The following LARGE1 variants were observed in gnomAD, a reference collection of about 807,000 sequenced individuals.
LARGE1 encodes LARGE xylosyl- and glucuronyltransferase 1.
Under a neutral mutation model 87.6 loss-of-function variants are expected in LARGE1, and 43 were observed. The ratio of observed to expected loss-of-function variants is 0.49; its 90% confidence interval spans 0.38 to 0.63. The LOEUF is 0.63. Ranked by LOEUF, LARGE1 falls within the 30% of genes least tolerant of loss-of-function variation. The pLI is 0.00. For missense variants in LARGE1, 802 were observed against 1,000.2 expected (o/e 0.80, Z 2.67); for synonymous variants, 434 against 394.6 (o/e 1.10, Z -1.18).
chr22:33,671,947 A>G (rs543448710), intron 2 of LARGE1, among the ~76,000 whole-genome samples: 5 of 152,358 alleles, frequency 3.3e-5, no homozygotes, highest in Admixed American at 2.0e-4. Context: ...AACATTTTAC[A>G]TGAAGATGTT....
intron 3 of LARGE1, among the ~76,000 whole-genome samples, chr22:33,643,077 A>G (rs1035473624): frequency 3.9e-5 from 6 of 152,164 alleles, no homozygotes; most frequent in African/African-American, 1.4e-4. Flanking sequence ...TCCCCACCCC[A>G]AATCAACAGA....
At chr22:33,317,687 G>A (rs894655807) in intron 10 of LARGE1, among the ~76,000 whole-genome samples, 2 of 152,104 alleles carry the variant, frequency 1.3e-5, no homozygotes, top group Admixed American at 6.5e-5. Context: ...CAACAGACAC[G>A]GTCTCATGTG....
At chr22:33,232,744 C>T (rs1189475868) in intron 11 of LARGE1, among the ~76,000 whole-genome samples, 2 of 152,126 alleles carry the variant, frequency 1.3e-5, no homozygotes, top group African/African-American at 4.8e-5. Flanking sequence ...ATGGAAGCTG[C>T]AGATAAATGA....
At chr22:33,278,502 A>G (rs959265643) in intron 13 of LARGE1, among the ~76,000 whole-genome samples, 1 of 152,098 alleles carries the variant, frequency 6.6e-6, no homozygotes, top group African/African-American at 2.4e-5. Context: ...GAAGCAGCTA[A>G]TATTAGTTAA....
intron 11 of LARGE1, among the ~76,000 whole-genome samples, chr22:33,176,052 G>A (rs987526676): frequency 7.9e-5 from 12 of 152,178 alleles, no homozygotes; most frequent in Non-Finnish European, 1.5e-4. Flanking sequence ...AAGCAATGGG[G>A]AAAGGATTCC....
intron 1 of LARGE1, among the ~76,000 whole-genome samples, chr22:33,857,882 C>T (rs1374979525): frequency 6.6e-6 from 1 of 152,150 alleles, no homozygotes; most frequent in Non-Finnish European, 1.5e-5. Context: ...CCCAGCAATC[C>T]CATTGTTACC....
At chr22:33,722,531 T>G (rs2083139652) in intron 2 of LARGE1, among the ~76,000 whole-genome samples, 1 of 152,180 alleles carries the variant, frequency 6.6e-6, no homozygotes, top group Non-Finnish European at 1.5e-5. Context: ...GAAAACGTGT[T>G]GAGCACCTAT....
At position 33,687,921 on chromosome 22, in the gene LARGE1, C is replaced by T. The variant is rs189684295; in HGVS notation, c.107-37253G>A. ...TGGTAAACATAATACAATGTCATACCTACAGAGAACTTCCATATGCTTATT... is the reference window on the plus strand; with the variant it reads ...TGGTAAACATAATACAATGTCATACTTACAGAGAACTTCCATATGCTTATT... On this transcript the variant is annotated intron_variant, in intron 2 of 14. Transcript: ENST00000397394. 4.6e-5 allele frequency among the ~76,000 whole-genome samples: 7 copies of T among 152,252 alleles called. No individual in the cohort carries two copies. The East Asian group carries it at 1.4e-3, about 29-fold the overall frequency.
chr22:33,280,433 T>C (rs536303102), intron 13 of LARGE1, among the ~76,000 whole-genome samples: 8 of 152,148 alleles, frequency 5.3e-5, no homozygotes, highest in Non-Finnish European at 8.8e-5. Flanking sequence ...TTGACAGCCA[T>C]GTTATTGGTC....
intron 12 of LARGE1, among the ~76,000 whole-genome samples, chr22:33,296,735 A>T (rs548918305): frequency 6.6e-6 from 1 of 151,910 alleles, no homozygotes; most frequent in East Asian, 1.9e-4. Flanking sequence ...CGTCCAACTA[A>T]TTTTTGTATT....
rs141836116 is a variant in LARGE1, at chr22:33,651,945, G to A, written c.107-1277C>T. On this transcript the variant is annotated intron_variant, in intron 2 of 14. Transcript: ENST00000397394. ...TCCCAGCATTTTGGGAGGCCAAGGC[G>A]GGCAAATCACGAGGTCAGGAGATCG... Among the ~76,000 whole-genome samples, 1,476 of 152,232 alleles carry A rather than the reference G, an allele frequency of 9.7e-3. 22 individuals carry two copies. Among genetic ancestry groups the A allele is most frequent in the African/African-American group, 0.034 (1,393 of 41,536 alleles).
At chr22:33,711,656 T>C (rs945346938) in intron 2 of LARGE1, among the ~76,000 whole-genome samples, 1 of 152,070 alleles carries the variant, frequency 6.6e-6, no homozygotes, top group Non-Finnish European at 1.5e-5. Context: ...TTTGTTTGTG[T>C]TTGTTTTAGA....
intron 2 of LARGE1, among the ~76,000 whole-genome samples, chr22:33,700,353 T>A (rs1440269741): frequency 6.6e-6 from 1 of 152,204 alleles, no homozygotes; most frequent in Non-Finnish European, 1.5e-5. Flanking sequence ...ACCACTCAAG[T>A]GTCACCATTC....
intron 6 of LARGE1, among the ~76,000 whole-genome samples, chr22:33,498,755 A>G (rs2148347488): frequency 6.6e-6 from 1 of 152,250 alleles, no homozygotes; most frequent in African/African-American, 2.4e-5. Context: ...GCGGATCACG[A>G]GGTCAGGAGA....
In LARGE1 at chr22:33,915,042, C is replaced by CAGAGAGAG. The variant is rs57289711; in HGVS notation, c.-83+4945_-83+4952dup. Among the ~76,000 whole-genome samples the CAGAGAGAG allele has an allele frequency of 3.2e-3, 442 of 137,110 alleles. 2 individuals are homozygous for CAGAGAGAG. The highest frequency in any genetic ancestry group is 0.011 in the African/African-American group (395 of 36,080). The allele number at this position is 137,110 out of a possible 152,430, so 89.9% of individuals were successfully genotyped here. On this transcript the variant is annotated intron_variant, in intron 1 of 14. Transcript: ENST00000397394. ...ACACACACACACACACACACACACA[C>CAGAGAGAG]AGAGAGAGAGAGAGAGAGAGAGGCT... is the stretch of plus-strand genomic sequence containing the variant.
Position 33,304,247 on chromosome 22 carries a change from C to T in LARGE1, c.1712G>A (p.Gly571Glu). The change falls in exon 12 of 15, where the codon GGG becomes GAG. Residue 571 changes from glycine (G) to glutamate (E), a missense_variant. Physicochemically the swap from Gly to Glu is moderately conservative, Grantham distance 98. Transcript: ENST00000397394. ...LSDIDFLPMY[G>E]LYEYLRKSVI... ...TCCTTACCTGAGGTACTCATAGAGC[C>T]CATACATGGGCAGGAAGTCAATGTC... 1 of 1,614,218 alleles carries T rather than the reference C, an allele frequency of 6.2e-7. No homozygotes were observed. Among genetic ancestry groups the T allele is most frequent in the Middle Eastern group, 1.6e-4 (1 of 6,062 alleles).
chr22:33,653,930 AG>A (rs2080890185), intron 2 of LARGE1, among the ~76,000 whole-genome samples: 1 of 152,212 alleles, frequency 6.6e-6, no homozygotes, highest in African/African-American at 2.4e-5. Flanking sequence ...GGAGCAAGCA[AG>A]CAGGCTTCAC....
intron 6 of LARGE1, among the ~76,000 whole-genome samples, chr22:33,539,652 C>T (rs887384078): frequency 4.6e-5 from 7 of 150,924 alleles, no homozygotes; most frequent in Non-Finnish European, 8.8e-5. Flanking sequence ...TGCAGTGACA[C>T]GATCACAGCT....
At chr22:33,863,197 A>G (rs1279589117) in intron 1 of LARGE1, among the ~76,000 whole-genome samples, 1 of 152,118 alleles carries the variant, frequency 6.6e-6, no homozygotes, top group East Asian at 1.9e-4. Flanking sequence ...CGGGCGTGCC[A>G]CCTCTGCAAG....
Sources: gnomAD v4.1 joint callset for allele counts (sites outside exome capture counted in the v4.1 genomes callset) on GRCh38, gnomAD v4.1.1 for gene constraint, MANE v1.5 for transcripts, NCBI Gene and HGNC (gene_info 2026-07-23, HGNC 2026-07-21) for gene names.